FBH1: variants seen among roughly 807,000 people sequenced by gnomAD.
FBH1 encodes DNA 3'-5' helicase 1.
In FBH1, 43 loss-of-function variants were observed where a neutral mutation model predicts 115.5. The ratio of observed to expected loss-of-function variants is 0.37; its 90% CI spans 0.29 to 0.48. FBH1 has a LOEUF of 0.48. Among genes scored for constraint, FBH1 ranks in the 20% least tolerant of loss-of-function variants. The pLI, the probability that FBH1 is intolerant of heterozygous loss-of-function variation, is 0.99. For synonymous variants in FBH1, 524 were observed against 507.8 expected (o/e 1.03, Z -0.43); for missense variants, 1,001 against 1,337.3 (o/e 0.75, Z 3.92).
At position 5,909,204 on chromosome 10, in the gene FBH1, G is replaced by A. The variant is rs1831406459; in HGVS notation, c.930G>A (p.Arg310=). ...TKCSPSVDPE[R]VLWSLRDHPL... is the part of the protein sequence containing the mutation. ...GCTCTCCGAGTGTGGATCCCGAGAG[G>A]GTGCTGTGGAGTCTGAGGGACCACC... Residue 310 remains arginine, a synonymous_variant, in exon 5 of 21, where the codon AGG becomes AGA. Coordinates refer to ENST00000362091, the MANE Select transcript of FBH1 (RefSeq NM_178150.3). This position sits in a 1 kb window ranked among gnomAD's most constrained non-coding sequence, Gnocchi z 4.4. 6.2e-7 allele frequency: 1 copy of A among 1,613,050 alleles called. No homozygotes were observed. The highest frequency in any genetic ancestry group is 8.5e-7 in the Non-Finnish European group (1 of 1,179,770).
At chr10:5,926,816 G>A (rs754053431) in intron 18 of FBH1, among the ~76,000 whole-genome samples, 3 of 152,164 alleles carry the variant, frequency 2.0e-5, no homozygotes, top group Non-Finnish European at 4.4e-5. Context: ...CTTTTTGCAC[G>A]GCCTCGGGTC....
At chr10:5,890,650 G>A (rs758491434) in intron 1 of FBH1, among the ~76,000 whole-genome samples, 83 of 152,254 alleles carry the variant, frequency 5.5e-4, no homozygotes, top group South Asian at 1.2e-3. Flanking sequence ...GGGGCTGAAG[G>A]GGCAAGCGCG....
chr10:5,898,182 A>C (rs1337823186), intron 1 of FBH1, among the ~76,000 whole-genome samples: 4 of 152,194 alleles, frequency 2.6e-5, no homozygotes, highest in Non-Finnish European at 5.9e-5. Context: ...GGCCGCTTAT[A>C]AGCAGAAGTC....
rs1225427257 is a variant in FBH1 at position 5,924,344 on chromosome 10, G to C, written c.2432G>C (p.Arg811Thr). The change falls in exon 17 of 21, where the codon AGA becomes ACA. Residue 811 changes from arginine (R) to threonine (T), a missense_variant. Transcript: ENST00000362091. This position sits in a 1 kb window ranked among gnomAD's most constrained non-coding sequence, Gnocchi z 6.2. ...GTCATTAAAGACAAATTTATCAGAA[G>C]ATGGGTGCACAAAGAAGGCTTTAGT... ...NLVIKDKFIR[R>T]WVHKEGFSGF... 6.2e-7 allele frequency: 1 copy of C among 1,614,224 alleles called. No individual in the cohort carries two copies. The highest frequency in any genetic ancestry group is 2.2e-5 in the East Asian group (1 of 44,888).
Position 5,909,626 on chromosome 10 carries a change from C to A in FBH1, c.1020+332C>A. 1 of 268,392 alleles carries A rather than the reference C, an allele frequency of 3.7e-6. No individual in the cohort carries two copies. The highest frequency in any genetic ancestry group is 9.0e-5 in the South Asian group (1 of 11,108). 16.6% of individuals were successfully genotyped at this position (268,392 alleles called of 1,614,324 possible). ...GGATTTCTTTACAAGACAGCCCACC[C>A]CATTATCAACAAGTTTGCTTATTTG... On this transcript the variant is annotated intron_variant, in intron 5 of 20. Transcript: ENST00000362091. The surrounding 1 kb of genome is among the most constrained non-coding windows in gnomAD (Gnocchi z 4.4).
At position 5,936,531 on chromosome 10, in the gene FBH1, A is replaced by C. The variant is rs1293026559; in HGVS notation, c.2905A>C (p.Asn969His). The C allele has an allele frequency of 1.2e-6, 2 of 1,614,100 alleles. No homozygotes were observed. The highest frequency in any genetic ancestry group is 2.7e-5 in the African/African-American group (2 of 74,934). The stretch of plus-strand genomic sequence containing the variant: ...GGTGCGCTGCTGCGTGGGACAGTGC[A>C]ACAATGCCATCCCTGTTGACACCGT... ...GVVRCCVGQC[N>H]NAIPVDTVLT... The change falls in exon 20 of 21, where the codon AAC (asparagine) becomes CAC (histidine). Residue 969 changes from asparagine (N) to histidine (H), a missense_variant. Coordinates refer to ENST00000362091, the MANE Select transcript of FBH1 (RefSeq NM_178150.3). This position sits in a 1 kb window ranked among gnomAD's most constrained non-coding sequence, Gnocchi z 5.6.
At chr10:5,927,349 G>A in intron 18 of FBH1, 86 bp from the exon 19 acceptor site, 1 of 920,010 alleles carries the variant, frequency 1.1e-6, no homozygotes, top group Non-Finnish European at 1.6e-6. Flanking sequence ...ATGGGTGGGG[G>A]CTAGTAAACA....
chr10:5,927,712 A>C (rs1832735563), intron 19 of FBH1, among the ~76,000 whole-genome samples, 171 bp downstream of exon 19: 1 of 152,160 alleles, frequency 6.6e-6, no homozygotes, highest in Non-Finnish European at 1.5e-5. Flanking sequence ...TGTTCTAACC[A>C]AGGAAACAAA....
chr10:5,894,671 A>G (rs1842909765), intron 1 of FBH1, among the ~76,000 whole-genome samples: 1 of 152,238 alleles, frequency 6.6e-6, no homozygotes, highest in East Asian at 1.9e-4. Flanking sequence ...CACACTTCAG[A>G]AGAAGTGCTG....
intron 2 of FBH1, 84 bp downstream of exon 2, chr10:5,903,259 A>G: frequency 8.8e-7 from 1 of 1,139,930 alleles, no homozygotes; most frequent in Non-Finnish European, 1.2e-6. Context: ...AGTATTTGTA[A>G]ATGTTGCTGC....
chr10:5,894,253 C>T (rs527476258), intron 1 of FBH1: 33 of 1,399,412 alleles, frequency 2.4e-5, no homozygotes, highest in Middle Eastern at 5.1e-4. Flanking sequence ...TTTTCCATTT[C>T]GGGTCTACAG....
At position 5,913,362 on chromosome 10, in the gene FBH1, AC is replaced by A. The variant is rs3841704; in HGVS notation, c.1212-384del. Among the ~76,000 whole-genome samples, 119,796 of 152,056 alleles carry A rather than the reference AC, an allele frequency of 0.79. 47,407 individuals carry two copies. The highest frequency in any genetic ancestry group is 0.84 in the Admixed American group (12,849 of 15,288). ...TCAGAAAGAGGCTGGTGTTTTATCCACAGGTGTAGTAAGTATCATTCAAACA... is the reference window on the plus strand; with the variant it reads ...TCAGAAAGAGGCTGGTGTTTTATCCAAGGTGTAGTAAGTATCATTCAAACA... On this transcript the variant is annotated intron_variant, in intron 6 of 20. Transcript: ENST00000362091. The surrounding 1 kb of genome is among the most constrained non-coding windows in gnomAD (Gnocchi z 4.4).
At chr10:5,898,731 C>T (rs1403969671) in intron 1 of FBH1, among the ~76,000 whole-genome samples, 1 of 152,160 alleles carries the variant, frequency 6.6e-6, no homozygotes, top group Admixed American at 6.6e-5. Context: ...CACTTCATAC[C>T]GTCACCTTGC....
In FBH1 at chr10:5,890,248, G is replaced by C; in HGVS notation, c.-98G>C. 2 of 363,488 alleles carry C rather than the reference G, an allele frequency of 5.5e-6. No individual in the cohort carries two copies. Among genetic ancestry groups the C allele is most frequent in the Non-Finnish European group, 1.0e-5 (2 of 193,860 alleles). 22.5% of individuals were successfully genotyped at this position (363,488 alleles called of 1,614,324 possible). ...GCGGGCGTCTCGGGCTCCAGGTCCC[G>C]GCCAGAGGAGGAGCTCGCTGCCGGG... On this transcript the variant is annotated 5_prime_UTR_variant, in exon 1 of 21. Coordinates refer to ENST00000362091, the MANE Select transcript of FBH1 (RefSeq NM_178150.3).
chr10:5,890,420 C>T (rs927429376), intron 1 of FBH1, 74 bp downstream of exon 1: 5 of 356,534 alleles, frequency 1.4e-5, no homozygotes, highest in African/African-American at 8.7e-5. Flanking sequence ...CTCCGGGGTC[C>T]TGCGCGGGGG....
chr10:5,923,822 T>A lies in FBH1; in HGVS notation c.2398+126T>A. On this transcript the variant is annotated intron_variant, in intron 16 of 20. Coordinates refer to ENST00000362091, the MANE Select transcript of FBH1 (RefSeq NM_178150.3). This position sits in a 1 kb window ranked among gnomAD's most constrained non-coding sequence, Gnocchi z 5.7. ...AGAGAAGGGCGAGCTAGTGTTGCTG[T>A]CTTCCCATGACGAGGGGGGTGCCTC... The A allele has an allele frequency of 1.2e-6, 1 of 859,488 alleles. No homozygotes were observed. Among genetic ancestry groups the A allele is most frequent in the South Asian group, 1.6e-5 (1 of 61,722 alleles). 53.2% of individuals were successfully genotyped at this position (859,488 alleles called of 1,614,324 possible).
intron 19 of FBH1, among the ~76,000 whole-genome samples, chr10:5,930,234 A>G (rs1832893571): frequency 6.6e-6 from 1 of 152,298 alleles, no homozygotes. Flanking sequence ...CCGATCCATA[A>G]TTATACTTTT....
At chr10:5,934,087 C>T (rs1277664658) in intron 19 of FBH1, among the ~76,000 whole-genome samples, 1 of 152,122 alleles carries the variant, frequency 6.6e-6, no homozygotes, top group Admixed American at 6.5e-5. Context: ...AATTCAGAGG[C>T]TAGGAAAGCG....
intron 1 of FBH1, among the ~76,000 whole-genome samples, chr10:5,901,967 T>G (rs1042412240): frequency 9.2e-5 from 14 of 151,998 alleles, no homozygotes; most frequent in African/African-American, 3.4e-4. Flanking sequence ...GCATGGAGAG[T>G]CTTGGTTACA....
Sources: allele counts gnomAD v4.1 joint callset (sites outside exome capture counted in the v4.1 genomes callset), GRCh38; gene constraint gnomAD v4.1.1; non-coding constraint Gnocchi (gnomAD v3.1); transcripts MANE v1.5; gene names NCBI Gene and HGNC (gene_info 2026-07-23, HGNC 2026-07-21).